Variants in PCDH7 observed in about 807,000 individuals in gnomAD.
The protein encoded by PCDH7 is protocadherin 7.
In PCDH7, 17 loss-of-function variants were observed where a neutral mutation model predicts 58.9. The observed-to-expected ratio is 0.29, with a 90% CI of 0.20 to 0.43. PCDH7 has a LOEUF of 0.43. Among genes scored for constraint, PCDH7 ranks in the 20% least tolerant of loss-of-function variants. The probability of loss-of-function intolerance (pLI) is 1.00; values close to 1 mark genes in which losing one functional copy is unlikely to be tolerated. For missense variants in PCDH7, 1,274 were observed against 1,441.0 expected (o/e 0.88, Z 1.88); for synonymous variants, 664 against 616.4 (o/e 1.08, Z -1.14).
At chr4:31,108,281 T>A (rs1320631837) in intron 3 of PCDH7, among the ~76,000 whole-genome samples, 1 of 143,940 alleles carries the variant, frequency 6.9e-6, no homozygotes, top group Non-Finnish European at 1.5e-5. Context: ...AAGTTACTAA[T>A]GAGAAAATGT....
chr4:31,046,786 C>T (rs1756328150), intron 3 of PCDH7, among the ~76,000 whole-genome samples: 1 of 151,988 alleles, frequency 6.6e-6, no homozygotes, highest in Admixed American at 6.6e-5. Flanking sequence ...ATGTTACTTA[C>T]ATCCATCATA....
chr4:30,848,015 T>C (rs1732208208), intron 1 of PCDH7, among the ~76,000 whole-genome samples: 1 of 152,168 alleles, frequency 6.6e-6, no homozygotes, highest in Non-Finnish European at 1.5e-5. Flanking sequence ...TGAATTGCCT[T>C]GATATATGCC....
At chr4:30,907,537 A>G (rs1741121715) in intron 1 of PCDH7, among the ~76,000 whole-genome samples, 1 of 152,220 alleles carries the variant, frequency 6.6e-6, no homozygotes, top group African/African-American at 2.4e-5. Flanking sequence ...ATGCAAATTA[A>G]AACCACAATG....
At chr4:30,960,342 T>C (rs1748296899) in intron 3 of PCDH7, among the ~76,000 whole-genome samples, 1 of 152,148 alleles carries the variant, frequency 6.6e-6, no homozygotes, top group Admixed American at 6.5e-5. Flanking sequence ...AAATGAGAAT[T>C]GGCTGTGGCT....
intron 3 of PCDH7, among the ~76,000 whole-genome samples, chr4:31,079,050 A>T (rs1156711570): frequency 6.6e-6 from 1 of 151,812 alleles, no homozygotes; most frequent in Non-Finnish European, 1.5e-5. Flanking sequence ...GCACAAAATA[A>T]ATTCCAGGGG....
At chr4:30,729,677 C>A (rs748727146) in intron 1 of PCDH7, among the ~76,000 whole-genome samples, 120 of 152,090 alleles carry the variant, frequency 7.9e-4, no homozygotes, top group Non-Finnish European at 1.4e-3. Context: ...TTGTGATAAT[C>A]TTTTACCTTT....
chr4:30,762,805 G>T (rs1049708223), intron 1 of PCDH7, among the ~76,000 whole-genome samples: 2 of 151,992 alleles, frequency 1.3e-5, no homozygotes, highest in African/African-American at 4.8e-5. Context: ...AACAAACATG[G>T]TATTTCTCCC....
intron 3 of PCDH7, among the ~76,000 whole-genome samples, chr4:31,137,010 T>G (rs1238012359): frequency 6.6e-6 from 1 of 152,230 alleles, no homozygotes; most frequent in Admixed American, 6.5e-5. Context: ...GTAAAAGATA[T>G]TTTCATTTAG....
intron 2 of PCDH7, 36 bp downstream of exon 2, chr4:30,920,405 G>T: frequency 7.5e-7 from 1 of 1,326,872 alleles, no homozygotes; most frequent in Non-Finnish European, 1.0e-6. Context: ...ACATAATCAC[G>T]CTAGTGAGCC....
At chr4:31,103,401 G>A (rs1715146469) in intron 3 of PCDH7, among the ~76,000 whole-genome samples, 1 of 152,008 alleles carries the variant, frequency 6.6e-6, no homozygotes, top group Non-Finnish European at 1.5e-5. Flanking sequence ...GTGCAGAGGC[G>A]TGATCTCGGC....
intron 1 of PCDH7, among the ~76,000 whole-genome samples, chr4:30,766,748 T>C (rs1720806165): frequency 6.6e-6 from 1 of 152,128 alleles, no homozygotes; most frequent in South Asian, 2.1e-4. Context: ...TTCTATACTT[T>C]AGACATTATT....
In PCDH7 at chr4:30,721,679, C is replaced by G. The variant is rs763116039; in HGVS notation, c.257C>G (p.Thr86Arg). The change falls in exon 1 of 2, where the codon ACG (threonine) becomes AGG (arginine). Residue 86 changes from threonine (T) to arginine (R), a missense_variant. Coordinates refer to ENST00000361762, the Ensembl canonical transcript of PCDH7. This position sits in a 1 kb window ranked among gnomAD's most constrained non-coding sequence, Gnocchi z 6.7. ...GACAACCTCACTGGCGAGCTGAGCA[C>G]GAGCGAGCGGCGCATCGACCGCGAG... 1.2e-6 allele frequency: 2 copies of G among 1,613,990 alleles called. No individual in the cohort carries two copies. The highest frequency in any genetic ancestry group is 2.2e-5 in the East Asian group (1 of 44,860).
At chr4:30,757,408 C>G (rs1046767895) in intron 1 of PCDH7, among the ~76,000 whole-genome samples, 2 of 152,216 alleles carry the variant, frequency 1.3e-5, no homozygotes, top group Middle Eastern at 3.2e-3. Context: ...AGGCCCTTAG[C>G]AAATGATTAT....
chr4:31,049,329 T>C (rs1007392576), intron 3 of PCDH7, among the ~76,000 whole-genome samples: 4 of 151,962 alleles, frequency 2.6e-5, no homozygotes, highest in Admixed American at 2.0e-4. Flanking sequence ...GTGTTATAGG[T>C]AAGTATAACC....
chr4:30,997,098 T>C (rs1435175263), intron 3 of PCDH7, among the ~76,000 whole-genome samples: 1 of 151,994 alleles, frequency 6.6e-6, no homozygotes, highest in Non-Finnish European at 1.5e-5. Flanking sequence ...TTTTTTGTTT[T>C]ACATCAGTGT....
intron 1 of PCDH7, among the ~76,000 whole-genome samples, chr4:30,831,391 A>G (rs1368501634): frequency 3.9e-5 from 6 of 152,138 alleles, no homozygotes; most frequent in Admixed American, 3.3e-4. Context: ...TAGCTATGGG[A>G]CAAAACTTCC....
intron 3 of PCDH7, among the ~76,000 whole-genome samples, chr4:31,078,050 T>G (rs190312242): frequency 3.9e-4 from 59 of 152,266 alleles, no homozygotes; most frequent in Non-Finnish European, 7.2e-4. Flanking sequence ...TGTTTTTACT[T>G]CTATCTAACA....
intron 1 of PCDH7, among the ~76,000 whole-genome samples, chr4:30,911,755 A>G (rs1024405398): frequency 1.8e-4 from 27 of 152,160 alleles, no homozygotes; most frequent in African/African-American, 6.3e-4. Context: ...ATTAGTCTGA[A>G]TATTGAAATT....
At position 31,017,857 on chromosome 4, in the gene PCDH7, G is replaced by A. The variant is rs183435908; in HGVS notation, c.*7+67642G>A. 1.5e-3 allele frequency among the ~76,000 whole-genome samples: 221 copies of A among 152,224 alleles called. 1 individual carries two copies. Among genetic ancestry groups the A allele is most frequent in the African/African-American group, 4.9e-3 (203 of 41,554 alleles). On this transcript the variant is annotated intron_variant, in intron 3 of 3. Coordinates refer to the PCDH7 transcript ENST00000509759. ...AGATAAGAGGCTTGTAATCATGGCA[G>A]CATTCAAGTGGCATTACTAATACAG...
Sources: gnomAD v4.1 joint callset for allele counts (sites outside exome capture counted in the v4.1 genomes callset) on GRCh38, gnomAD v4.1.1 for gene constraint, Gnocchi (gnomAD v3.1) non-coding constraint, MANE v1.5 for transcripts, NCBI Gene and HGNC (gene_info 2026-07-23, HGNC 2026-07-21) for gene names.